TXNRD1: variants seen among roughly 807,000 people sequenced by gnomAD.
TXNRD1 encodes thioredoxin reductase 1.
A neutral mutation model predicts 80.3 loss-of-function variants in TXNRD1; 57 were observed. The ratio of observed to expected loss-of-function variants is 0.71; its 90% CI spans 0.57 to 0.89. The LOEUF (loss-of-function observed/expected upper bound fraction) is 0.89. Among genes scored for constraint, TXNRD1 ranks in the 40% least tolerant of loss-of-function variants. The pLI is 0.00. For missense variants in TXNRD1, 730 were observed against 803.0 expected (o/e 0.91, Z 1.10); for synonymous variants, 291 against 285.2 (o/e 1.02, Z -0.20).
At chr12:104,264,270 C>T (rs1376049298) in intron 3 of TXNRD1, among the ~76,000 whole-genome samples, 3 of 152,140 alleles carry the variant, frequency 2.0e-5, no homozygotes, top group East Asian at 3.8e-4. Flanking sequence ...TGTAGGATCA[C>T]GGGTGGACAA....
intron 3 of TXNRD1, among the ~76,000 whole-genome samples, chr12:104,274,465 G>A (rs1265977840): frequency 6.6e-6 from 1 of 152,106 alleles, no homozygotes; most frequent in Non-Finnish European, 1.5e-5. Flanking sequence ...GGAGGCCGAG[G>A]CGGGTGGATC....
chr12:104,298,614 C>T (rs185345288), intron 4 of TXNRD1, among the ~76,000 whole-genome samples: 15 of 152,090 alleles, frequency 9.9e-5, no homozygotes, highest in African/African-American at 3.4e-4. Flanking sequence ...ATCCCAGCTA[C>T]TCGGGAGGCT....
chr12:104,216,262 TCCAATGAAAG>T (rs1284397510), intron 1 of TXNRD1, among the ~76,000 whole-genome samples: 1 of 152,208 alleles, frequency 6.6e-6, no homozygotes, highest in Non-Finnish European at 1.5e-5. Context: ...GCACCGTGTT[TCCAATGAAAG>T]GTTACGGGGG....
chr12:104,291,113 C>T (rs1439351749), intron 4 of TXNRD1: 2 of 635,238 alleles, frequency 3.1e-6, no homozygotes, highest in Non-Finnish European at 5.6e-6. Context: ...AGGTATAGTG[C>T]CATGAATGAA....
chr12:104,224,777 TC>T (rs1309264617), intron 1 of TXNRD1: 1 of 454,156 alleles, frequency 2.2e-6, no homozygotes, highest in Admixed American at 2.4e-5. Context: ...GTCAAGTTAT[TC>T]CCTCCTGATT....
intron 16 of TXNRD1, among the ~76,000 whole-genome samples, chr12:104,344,602 A>G (rs1454102387): frequency 6.6e-6 from 1 of 152,180 alleles, no homozygotes; most frequent in African/African-American, 2.4e-5. Flanking sequence ...AGAACATTCC[A>G]TATCCTTCTA....
At chr12:104,266,472 G>A (rs1565869287) in intron 3 of TXNRD1, among the ~76,000 whole-genome samples, 2 of 142,726 alleles carry the variant, frequency 1.4e-5, no homozygotes, top group Non-Finnish European at 3.0e-5. Flanking sequence ...GTTGCAGTGA[G>A]TTGAGATCAC....
chr12:104,229,144 C>CTTTT (rs56077479), intron 1 of TXNRD1, among the ~76,000 whole-genome samples: 10 of 106,062 alleles, frequency 9.4e-5, no homozygotes, highest in Non-Finnish European at 1.6e-4. Context: ...CATTACTTTT[C>CTTTT]TTTTTTTTTT....
intron 1 of TXNRD1, among the ~76,000 whole-genome samples, chr12:104,219,308 C>G (rs2032293994): frequency 6.6e-6 from 1 of 152,166 alleles, no homozygotes; most frequent in Non-Finnish European, 1.5e-5. Flanking sequence ...TCCTTAAGTA[C>G]CATATGATCT....
rs961543832 is a variant in TXNRD1, at chr12:104,240,649, T to C, written c.92-10878T>C. Among the ~76,000 whole-genome samples the C allele has an allele frequency of 7.2e-5, 11 of 152,278 alleles. 1 individual carries two copies. Among genetic ancestry groups the C allele is most frequent in the Admixed American group, 3.3e-4 (5 of 15,292 alleles). On this transcript the variant is annotated intron_variant, in intron 1 of 16. Coordinates refer to ENST00000525566, the MANE Select transcript of TXNRD1 (RefSeq NM_001093771.3). ...GTTTAGTAATTGTCCACAGATTCCT[T>C]TTATATTTTAATGACTGTAATTCAG...
At chr12:104,229,826 C>T (rs1223178295) in intron 1 of TXNRD1, among the ~76,000 whole-genome samples, 2 of 151,606 alleles carry the variant, frequency 1.3e-5, no homozygotes, top group Admixed American at 6.6e-5. Context: ...CTCCTGACCT[C>T]GTGATCCACC....
In TXNRD1 at chr12:104,273,675, G is replaced by A. The variant is rs540065994; in HGVS notation, c.305-15256G>A. Among the ~76,000 whole-genome samples, 8 of 152,348 alleles carry A rather than the reference G, an allele frequency of 5.3e-5. No homozygotes were observed. The South Asian group carries it at 1.4e-3, about 28-fold the overall frequency. On this transcript the variant is annotated intron_variant, in intron 3 of 16. Transcript: ENST00000525566. ...AGCATCAGACACAGGATCCTCAAGA[G>A]CAAGTACCGCCCCGACCTGCGCGTG...
chr12:104,279,485 G>T (rs1202352980), intron 3 of TXNRD1, among the ~76,000 whole-genome samples: 2 of 152,132 alleles, frequency 1.3e-5, no homozygotes, highest in Non-Finnish European at 2.9e-5. Flanking sequence ...CATGGGGATT[G>T]AGGAGAAGTT....
chr12:104,286,034 T>C (rs1256302939), intron 3 of TXNRD1: 2 of 152,260 alleles, frequency 1.3e-5, no homozygotes, highest in African/African-American at 4.8e-5. Flanking sequence ...GAGTTTCACC[T>C]TGGAAGGGCC....
chr12:104,267,981 C>T (rs1165166289), intron 3 of TXNRD1, among the ~76,000 whole-genome samples: 2 of 151,376 alleles, frequency 1.3e-5, no homozygotes, highest in Admixed American at 1.3e-4. Context: ...TCCTGAGTAG[C>T]TGGGATTACA....
intron 1 of TXNRD1, among the ~76,000 whole-genome samples, chr12:104,246,131 A>AC (rs2032986073): frequency 1.4e-5 from 2 of 143,366 alleles, no homozygotes; most frequent in Non-Finnish European, 3.0e-5. Flanking sequence ...AAAAAAAAAA[A>AC]AAAAAACTTT....
intron 1 of TXNRD1, among the ~76,000 whole-genome samples, chr12:104,237,490 C>T (rs774596526): frequency 2.6e-5 from 4 of 152,132 alleles, no homozygotes; most frequent in Non-Finnish European, 5.9e-5. Context: ...AAAATGGCAC[C>T]GTTAATTTTA....
At chr12:104,265,187 G>A (rs564993106) in intron 3 of TXNRD1, 4 of 882,116 alleles carry the variant, frequency 4.5e-6, no homozygotes, top group Non-Finnish European at 7.0e-6. Flanking sequence ...GGGAGGTGGA[G>A]GTTGCAGTGA....
chr12:104,294,765 C>T (rs780435436), intron 4 of TXNRD1, among the ~76,000 whole-genome samples: 10 of 152,100 alleles, frequency 6.6e-5, no homozygotes, highest in Non-Finnish European at 1.0e-4. Flanking sequence ...GCCACTGCAC[C>T]CAGCCAGGTC....
Sources: allele counts gnomAD v4.1 joint callset (sites outside exome capture counted in the v4.1 genomes callset), GRCh38; gene constraint gnomAD v4.1.1; transcripts MANE v1.5; gene names NCBI Gene and HGNC (gene_info 2026-07-23, HGNC 2026-07-21).